The following DISP3 variants were observed in gnomAD, a reference collection of about 807,000 sequenced individuals.
The protein encoded by DISP3 is dispatched RND transporter family member 3.
Under a neutral mutation model 135.3 loss-of-function variants are expected in DISP3, and 101 were observed. The ratio of observed to expected loss-of-function variants is 0.75; its 90% confidence interval spans 0.64 to 0.88. The LOEUF is 0.88. Among genes scored for constraint, DISP3 ranks in the 40% least tolerant of loss-of-function variants. The pLI is 0.00. For missense variants in DISP3, 1,713 were observed against 1,878.6 expected, an observed-to-expected ratio of 0.91 and a Z score of 1.63; for synonymous variants, 856 against 817.0, an observed-to-expected ratio of 1.05 and a Z score of -0.81.
At chr1:11,521,310 G>A (rs1642184500) in intron 10 of DISP3, among the ~76,000 whole-genome samples, 4 of 135,936 alleles carry the variant, frequency 2.9e-5, no homozygotes, top group Non-Finnish European at 3.2e-5. Flanking sequence ...GGAAGGGGTG[G>A]GGTTAACCAG....
At chr1:11,502,205 G>C in intron 2 of DISP3, 117 bp downstream of exon 2, 3 of 1,424,396 alleles carry the variant, frequency 2.1e-6, no homozygotes, top group Non-Finnish European at 2.8e-6. Context: ...CTGGAACTGA[G>C]TCCTGGGCAT....
chr1:11,530,243 G>A (rs895000795), intron 15 of DISP3, among the ~76,000 whole-genome samples: 2 of 152,202 alleles, frequency 1.3e-5, no homozygotes, highest in Admixed American at 6.5e-5. Context: ...GGACACCTCC[G>A]TGCCCTCCTC....
rs148553315 is a variant in DISP3, at chr1:11,514,863, T to A, written c.1453+337T>A. ...GATTACTTTGTAGCCTATTTTGGAG[T>A]CCCAAGTCAACTGCCATCTGCCCCC... On this transcript the variant is annotated intron_variant, in intron 4 of 20. Coordinates refer to ENST00000294484, the MANE Select transcript of DISP3 (RefSeq NM_020780.2). 5.9e-3 allele frequency among the ~76,000 whole-genome samples: 891 copies of A among 152,134 alleles called. 3 individuals carry two copies. The highest frequency in any genetic ancestry group is 9.3e-3 in the Admixed American group (142 of 15,274).
chr1:11,481,797 C>G (rs1257041589), intron 1 of DISP3: 1 of 152,194 alleles, frequency 6.6e-6, no homozygotes, highest in East Asian at 1.9e-4. Context: ...AAAGATTACC[C>G]TACCTTTCCC....
chr1:11,515,593 CTGG>C, intron 5 of DISP3, 90 bp downstream of exon 5: 1 of 1,507,196 alleles, frequency 6.6e-7, no homozygotes, highest in Non-Finnish European at 8.9e-7. Flanking sequence ...CCTGGCTTCC[CTGG>C]GGGCTCTACA....
At chr1:11,517,064 G>A (rs1642032150) in intron 6 of DISP3, among the ~76,000 whole-genome samples, 2 of 152,172 alleles carry the variant, frequency 1.3e-5, no homozygotes, top group African/African-American at 4.8e-5. Context: ...CAGGGTCCCT[G>A]CCTCCGTCAT....
chr1:11,484,231 A>T (rs1640976840), intron 1 of DISP3, among the ~76,000 whole-genome samples: 1 of 152,120 alleles, frequency 6.6e-6, no homozygotes, highest in African/African-American at 2.4e-5. Context: ...CCATTTCACA[A>T]TGGAAAGGCC....
At chr1:11,502,159 A>G in intron 2 of DISP3, 71 bp downstream of exon 2, 1 of 1,498,246 alleles carries the variant, frequency 6.7e-7, no homozygotes, top group East Asian at 2.3e-5. Flanking sequence ...GATTTGGCCC[A>G]GGCCAGGCCC....
intron 1 of DISP3, 90 bp from the exon 2 acceptor site, chr1:11,500,900 G>A (rs1406122656): frequency 1.4e-6 from 2 of 1,429,696 alleles, no homozygotes; most frequent in Non-Finnish European, 1.9e-6. Flanking sequence ...TGAGTGGACA[G>A]GGTTGGTACC....
At chr1:11,515,331 TC>T (rs752966823) in intron 4 of DISP3, 37 bp from the exon 5 acceptor site, 1 of 1,612,188 alleles carries the variant, frequency 6.2e-7, no homozygotes, top group South Asian at 1.1e-5. Context: ...CCCATGAGGG[TC>T]CCCCCACCGT....
chr1:11,534,566 C>T, intron 18 of DISP3, 26 bp downstream of exon 18: 1 of 1,582,066 alleles, frequency 6.3e-7, no homozygotes, highest in East Asian at 2.2e-5. Flanking sequence ...GCCCCTCCAT[C>T]CTGGGTGGGC....
chr1:11,485,760 T>A (rs551133156), intron 1 of DISP3, among the ~76,000 whole-genome samples: 1 of 152,324 alleles, frequency 6.6e-6, no homozygotes, highest in African/African-American at 2.4e-5. Flanking sequence ...TATGATCTCA[T>A]TTCATCCTCA....
chr1:11,534,595 G>A (rs1642658843), intron 18 of DISP3, 55 bp downstream of exon 18: 4 of 1,554,236 alleles, frequency 2.6e-6, no homozygotes, highest in East Asian at 2.3e-5. Flanking sequence ...GAGGGACCTG[G>A]GGCCGGGAGG....
In DISP3 at chr1:11,531,099, C is replaced by CGTG; in HGVS notation, c.3229+69_3229+71dup. 3 of 1,598,916 alleles carry CGTG rather than the reference C, an allele frequency of 1.9e-6. No homozygotes were observed. On this transcript the variant is annotated intron_variant, in intron 16 of 20. Transcript: ENST00000294484. The surrounding 1 kb of genome is among the most constrained non-coding windows in gnomAD (Gnocchi z 5.2). The stretch of plus-strand genomic sequence containing the variant: ...GGACTGACTGGGGAGGCACAGAGGC[C>CGTG]GTGGTCCAAGGTAGACAGCCCGAAG...
chr1:11,534,600 G>A (rs1028692421), intron 18 of DISP3, 60 bp downstream of exon 18: 43 of 1,549,676 alleles, frequency 2.8e-5, no homozygotes, highest in South Asian at 1.9e-4. Context: ...ACCTGGGGCC[G>A]GGAGGGCACA....
At chr1:11,485,582 C>T (rs558400705) in intron 1 of DISP3, among the ~76,000 whole-genome samples, 1 of 152,224 alleles carries the variant, frequency 6.6e-6, no homozygotes, top group Admixed American at 6.5e-5. Flanking sequence ...GTATGTGTCC[C>T]CCACACCCTG....
intron 10 of DISP3, among the ~76,000 whole-genome samples, chr1:11,523,104 A>T (rs1322828581): frequency 6.6e-6 from 1 of 152,232 alleles, no homozygotes; most frequent in Non-Finnish European, 1.5e-5. Flanking sequence ...GCCAGAACCC[A>T]GCGGGGCTGC....
chr1:11,516,170 C>T lies in DISP3; in HGVS notation c.1749+9C>T, dbSNP rs1642007191. On this transcript the variant is annotated intron_variant, in intron 6 of 20. Transcript: ENST00000294484. This position sits in a 1 kb window ranked among gnomAD's most constrained non-coding sequence, Gnocchi z 5.1. ...CTAACGTCTTCTCCCAGGTGCGGAC[C>T]TGTCCTCCATTCCTGTCCTGGCCTC... The T allele has an allele frequency of 2.5e-6, 4 of 1,612,516 alleles. No individual in the cohort carries two copies. The highest frequency in any genetic ancestry group is 3.4e-6 in the Non-Finnish European group (4 of 1,179,080).
intron 1 of DISP3, among the ~76,000 whole-genome samples, chr1:11,488,742 A>G (rs1641106281): frequency 6.6e-6 from 1 of 152,058 alleles, no homozygotes. Context: ...GGACCCTGAG[A>G]TTTTCAAACA....
Sources: allele counts gnomAD v4.1 joint callset (sites outside exome capture counted in the v4.1 genomes callset), GRCh38; gene constraint gnomAD v4.1.1; non-coding constraint Gnocchi (gnomAD v3.1); transcripts MANE v1.5; gene names NCBI Gene and HGNC (gene_info 2026-07-23, HGNC 2026-07-21).